The following NRG3 variants were observed in gnomAD, a reference collection of about 807,000 sequenced individuals.
The protein encoded by NRG3 is pro-neuregulin-3, membrane-bound isoform.
Under a neutral mutation model 66.9 loss-of-function variants are expected in NRG3, and 31 were observed. The observed-to-expected ratio is 0.46, with a 90% CI of 0.35 to 0.63. NRG3 has a LOEUF of 0.63. Ranked by LOEUF, NRG3 falls within the 20% of genes least tolerant of loss-of-function variation. The probability of loss-of-function intolerance (pLI) is 0.00; values close to 1 mark genes in which losing one functional copy is unlikely to be tolerated. For synonymous variants in NRG3, 393 were observed against 359.4 expected (o/e 1.09, Z -1.06); for missense variants, 910 against 878.9 (o/e 1.04, Z -0.45).
At chr10:82,152,818 C>T (rs1284842639) in intron 1 of NRG3, among the ~76,000 whole-genome samples, 1 of 150,132 alleles carries the variant, frequency 6.7e-6, no homozygotes, top group African/African-American at 2.5e-5. Context: ...CTCTCTCTCT[C>T]TTTTTCTTTC....
chr10:82,968,914 C>T (rs911823603), intron 6 of NRG3, among the ~76,000 whole-genome samples: 4 of 152,266 alleles, frequency 2.6e-5, no homozygotes, highest in East Asian at 1.9e-4. Flanking sequence ...GTGGAAAGCA[C>T]GTCTTACGTG....
At chr10:82,367,504 T>A (rs996335108) in intron 2 of NRG3, among the ~76,000 whole-genome samples, 4 of 152,124 alleles carry the variant, frequency 2.6e-5, no homozygotes, top group African/African-American at 9.7e-5. Context: ...TATATAATGA[T>A]GTCTTTAAAA....
At chr10:82,798,014 A>C (rs887740769) in intron 3 of NRG3, among the ~76,000 whole-genome samples, 2 of 152,208 alleles carry the variant, frequency 1.3e-5, no homozygotes, top group African/African-American at 2.4e-5. Flanking sequence ...AAAATGGTTC[A>C]AGGTATTATC....
chr10:82,816,864 T>G (rs772775466), intron 3 of NRG3, among the ~76,000 whole-genome samples: 2 of 152,220 alleles, frequency 1.3e-5, no homozygotes, highest in African/African-American at 2.4e-5. Context: ...CTCTGGACAT[T>G]AGATACACGT....
intron 4 of NRG3, among the ~76,000 whole-genome samples, chr10:82,873,114 C>T (rs1241593849): frequency 6.6e-6 from 1 of 151,996 alleles, no homozygotes; most frequent in African/African-American, 2.4e-5. Context: ...TTTATATTCC[C>T]GAATTTTTCT....
chr10:82,556,665 G>A (rs777589453), intron 2 of NRG3, among the ~76,000 whole-genome samples: 4 of 152,070 alleles, frequency 2.6e-5, no homozygotes, highest in Non-Finnish European at 5.9e-5. Context: ...TTAGGTTCAG[G>A]GGTACATGTG....
At chr10:82,316,245 C>T (rs1401344452) in intron 1 of NRG3, among the ~76,000 whole-genome samples, 1 of 152,144 alleles carries the variant, frequency 6.6e-6, no homozygotes, top group Non-Finnish European at 1.5e-5. Context: ...ATATTCAAAA[C>T]ACTCCTATAA....
chr10:82,191,487 T>C (rs1380080799), intron 1 of NRG3, among the ~76,000 whole-genome samples: 1 of 152,134 alleles, frequency 6.6e-6, no homozygotes, highest in African/African-American at 2.4e-5. Context: ...ATTTCTACAT[T>C]GACAGCTACC....
intron 3 of NRG3, among the ~76,000 whole-genome samples, chr10:82,802,412 A>G (rs1342024650): frequency 6.6e-6 from 1 of 152,210 alleles, no homozygotes; most frequent in East Asian, 1.9e-4. Context: ...GAAAACAAAC[A>G]TGCTGATCAA....
At chr10:82,385,067 G>GA (rs1447885393) in intron 2 of NRG3, among the ~76,000 whole-genome samples, 3 of 152,142 alleles carry the variant, frequency 2.0e-5, no homozygotes, top group Non-Finnish European at 4.4e-5. Context: ...TTAATGATCA[G>GA]TGATGTTGAG....
At chr10:82,136,456 C>T (rs550570514) in intron 1 of NRG3, among the ~76,000 whole-genome samples, 1 of 152,096 alleles carries the variant, frequency 6.6e-6, no homozygotes, top group Admixed American at 6.6e-5. Context: ...TCCAGAAATG[C>T]CATGCACAAG....
In NRG3 at chr10:82,079,295, C is replaced by T. The variant is rs1014116786; in HGVS notation, c.823+203132C>T. ...CCAGGTGATCCACCCGCCTCAGCCT[C>T]CCAAAGTGCTGGGATTACAGGCATG... On this transcript the variant is annotated intron_variant, in intron 1 of 8. Coordinates refer to ENST00000372141, the MANE Select transcript of NRG3 (RefSeq NM_001010848.4). Among the ~76,000 whole-genome samples the T allele has an allele frequency of 3.3e-5, 5 of 152,036 alleles. No homozygotes were observed. In the East Asian group the frequency reaches 9.7e-4, roughly 29 times the overall value.
At chr10:82,280,714 C>T (rs953311599) in intron 1 of NRG3, among the ~76,000 whole-genome samples, 5 of 152,196 alleles carry the variant, frequency 3.3e-5, no homozygotes, top group African/African-American at 1.2e-4. Flanking sequence ...CTTCTCTACT[C>T]ACTCATCCTG....
chr10:82,090,338 C>G (rs139367121), intron 1 of NRG3, among the ~76,000 whole-genome samples: 1 of 152,284 alleles, frequency 6.6e-6, no homozygotes, highest in Admixed American at 6.5e-5. Flanking sequence ...TTATAGCTAT[C>G]AGAAAGTTCT....
chr10:81,960,839 G>A (rs1218730317), intron 1 of NRG3, among the ~76,000 whole-genome samples: 1 of 151,952 alleles, frequency 6.6e-6, no homozygotes, highest in African/African-American at 2.4e-5. Flanking sequence ...ATTTCAAGGT[G>A]GTGACACCCT....
In NRG3 at chr10:81,997,208, C is replaced by T. The variant is rs142075429; in HGVS notation, c.823+121045C>T. ...TCTTTAGGCTGACATTCAGGGTCTC[C>T]TGTGATATGGTGCCTCTCTAACACT... On this transcript the variant is annotated intron_variant, in intron 1 of 8. Transcript: ENST00000372141. Among the ~76,000 whole-genome samples, 705 of 152,276 alleles carry T rather than the reference C, an allele frequency of 4.6e-3. 7 individuals carry two copies. Among genetic ancestry groups the T allele is most frequent in the African/African-American group, 0.016 (673 of 41,554 alleles).
intron 2 of NRG3, among the ~76,000 whole-genome samples, chr10:82,469,188 T>C (rs1021351930): frequency 1.3e-5 from 2 of 152,194 alleles, no homozygotes; most frequent in Non-Finnish European, 2.9e-5. Flanking sequence ...ATTGCCTCCT[T>C]CATTCTTTCC....
At chr10:82,204,047 A>C (rs1356904689) in intron 1 of NRG3, among the ~76,000 whole-genome samples, 1 of 152,032 alleles carries the variant, frequency 6.6e-6, no homozygotes, top group Non-Finnish European at 1.5e-5. Flanking sequence ...GCAGTTTTCT[A>C]ACTCTTTAAG....
At chr10:82,521,915 A>G (rs533272387) in intron 2 of NRG3, among the ~76,000 whole-genome samples, 2 of 151,332 alleles carry the variant, frequency 1.3e-5, no homozygotes, top group South Asian at 2.1e-4. Flanking sequence ...ATAAAATGCA[A>G]CTCCTCATCT....
Sources: allele counts gnomAD v4.1 joint callset (sites outside exome capture counted in the v4.1 genomes callset), GRCh38; gene constraint gnomAD v4.1.1; transcripts MANE v1.5; gene names NCBI Gene and HGNC (gene_info 2026-07-23, HGNC 2026-07-21).